CRAT: variants seen among roughly 807,000 people sequenced by gnomAD.
CRAT encodes the protein carnitine O-acetyltransferase.
A neutral mutation model predicts 73.7 loss-of-function variants in CRAT; 66 were observed. That is an observed-to-expected ratio of 0.90 (90% CI 0.73 to 1.10). CRAT has a LOEUF of 1.10. CRAT is among the 50% of genes least tolerant of loss of function. The probability of loss-of-function intolerance (pLI) is 0.00; values close to 1 mark genes in which losing one functional copy is unlikely to be tolerated. For synonymous variants in CRAT, 321 were observed against 343.2 expected (o/e 0.94, Z 0.71); for missense variants, 745 against 846.9 (o/e 0.88, Z 1.49).
chr9:129,098,152 G>A lies in CRAT; in HGVS notation c.1329-4C>T, dbSNP rs1213151451. The A allele has an allele frequency of 6.2e-7, 1 of 1,613,768 alleles. No homozygotes were observed. On this transcript the variant is annotated splice_polypyrimidine_tract_variant and splice_region_variant and intron_variant, in intron 10 of 13. Coordinates refer to ENST00000318080, the MANE Select transcript of CRAT (RefSeq NM_000755.5). Reference sequence around the variant, plus strand: ...GGCACATGCCTGTCCGTAGATCCTGGTGGGAAATGGGGCTAAGCACGCCCC... The same window carrying A: ...GGCACATGCCTGTCCGTAGATCCTGATGGGAAATGGGGCTAAGCACGCCCC...
At chr9:129,097,928 G>A in intron 11 of CRAT, 85 bp downstream of exon 11, 3 of 1,539,514 alleles carry the variant, frequency 1.9e-6, no homozygotes, top group Non-Finnish European at 2.6e-6. Context: ...GAATCCTGTA[G>A]GTGCTCAATT....
chr9:129,100,835 C>T, intron 6 of CRAT, 146 bp from the exon 7 acceptor site: 1 of 971,004 alleles, frequency 1.0e-6, no homozygotes, highest in Non-Finnish European at 1.5e-6. Context: ...CTCGCCGGCC[C>T]TCCAGGGCAT....
chr9:129,101,409 AGAGC>A (rs1394751633), intron 6 of CRAT, among the ~76,000 whole-genome samples: 1 of 152,244 alleles, frequency 6.6e-6, no homozygotes, highest in Non-Finnish European at 1.5e-5. Flanking sequence ...TCCCATGCTC[AGAGC>A]GAGACCCGCT....
chr9:129,096,168 G>A (rs1307822686), intron 12 of CRAT, 33 bp from the exon 13 acceptor site: 7 of 1,609,818 alleles, frequency 4.3e-6, no homozygotes, highest in African/African-American at 1.3e-5. Flanking sequence ...AGGAGCAGGG[G>A]CTGTGGACCC....
In CRAT at chr9:129,098,428, A is replaced by G. The variant is rs1847430503; in HGVS notation, c.1206-57T>C. 8 of 1,605,138 alleles carry G rather than the reference A, an allele frequency of 5.0e-6. 1 individual carries two copies. The Admixed American group carries it at 8.4e-5, about 17-fold the overall frequency. On this transcript the variant is annotated intron_variant, in intron 9 of 13. Transcript: ENST00000318080. ...GGCCCCGGCAGCCCCTGCCAACCCC[A>G]CGGAGGGTCTGGGTGTCATGACAGA...
At chr9:129,108,357 G>A (rs1423150328) in intron 1 of CRAT, 1 of 1,241,366 alleles carries the variant, frequency 8.1e-7, no homozygotes, top group East Asian at 3.6e-5. Context: ...GGGTGGCAGA[G>A]GTGAGGGGGA....
rs1353804194 is a variant in CRAT, at chr9:129,095,366, T to C, written c.*31A>G. 1 of 1,602,756 alleles carries C rather than the reference T, an allele frequency of 6.2e-7. No homozygotes were observed. The highest frequency in any genetic ancestry group is 8.5e-7 in the Non-Finnish European group (1 of 1,177,668). ...TGGCCCATCCCAGGGTGGGCTTGGC[T>C]GTGGCATTGGCAGGCCTGAGTCCTA... On this transcript the variant is annotated 3_prime_UTR_variant, in exon 14 of 14. Transcript: ENST00000318080.
At position 129,103,609 on chromosome 9, in the gene CRAT, C is replaced by T. The variant is rs1449408501; in HGVS notation, c.411-543G>A. ...GGCAACCACCCTCAATGCTTGGGGC[C>T]GCCCCTGGATCCCACCATGGGGACC... is the stretch of plus-strand genomic sequence containing the variant. On this transcript the variant is annotated intron_variant, in intron 3 of 13. Coordinates refer to ENST00000318080, the MANE Select transcript of CRAT (RefSeq NM_000755.5). This position sits in a 1 kb window ranked among gnomAD's most constrained non-coding sequence, Gnocchi z 4.6. 2.6e-5 allele frequency among the ~76,000 whole-genome samples: 4 copies of T among 152,148 alleles called. No individual in the cohort carries two copies. Among genetic ancestry groups the T allele is most frequent in the African/African-American group, 4.8e-5 (2 of 41,444 alleles).
rs1190518406 is a variant in CRAT at position 129,095,479 on chromosome 9, G to C, written c.1799C>G (p.Ala600Gly). The C allele has an allele frequency of 1.9e-6, 3 of 1,613,482 alleles. No homozygotes were observed. ...CTCCAGGTAATGCGCCAGGCGGGCG[G>C]CGTTGGTCTCCGCGCAGCTGTTGTA... ...SAYNSCAETN[A>G]ARLAHYLEKA... Residue 600 changes from alanine (A) to glycine (G), a missense_variant, in exon 14 of 14, where the codon GCC (alanine) becomes GGC (glycine). Ala to Gly is a moderately conservative substitution (Grantham distance 60). Transcript: ENST00000318080.
Position 129,098,302 on chromosome 9 carries a change from C to T in CRAT, c.1275G>A (p.Glu425=). 2 of 1,614,042 alleles carry T rather than the reference C, an allele frequency of 1.2e-6. No individual in the cohort carries two copies. Among genetic ancestry groups the T allele is most frequent in the Non-Finnish European group, 1.7e-6 (2 of 1,180,038 alleles). Residue 425 remains glutamate, a synonymous_variant, in exon 10 of 14, where the codon GAG becomes GAA. Transcript: ENST00000318080. The part of the protein sequence containing the change: ...HHFGKDFPKS[E]KLSPDAFIQM... ...GGATGAAGGCATCTGGGCTTAGCTT[C>T]TCCGACTTGGGGAAGTCTTTTCCAA...
Position 129,095,085 on chromosome 9 carries a change from T to C in CRAT, c.*312A>G, listed in dbSNP as rs1408449417. ...AGACAAAGAGCTCTTGCCAGTCTCC[T>C]GCTCTGGAGGGCTGGTTCCCTTCCC... On this transcript the variant is annotated 3_prime_UTR_variant, in exon 14 of 14. Transcript: ENST00000318080. 2 of 428,476 alleles carry C rather than the reference T, an allele frequency of 4.7e-6. No individual in the cohort carries two copies. The highest frequency in any genetic ancestry group is 8.6e-6 in the Non-Finnish European group (2 of 233,306). The allele number at this position is 428,476 out of a possible 1,614,324, so 26.5% of individuals were successfully genotyped here. A position where few individuals can be genotyped will look rare whatever the true frequency, so the allele number is the denominator to read the frequency against.
At chr9:129,104,889 C>A (rs17486192) in intron 2 of CRAT, among the ~76,000 whole-genome samples, 15 of 145,348 alleles carry the variant, frequency 1.0e-4, no homozygotes, top group African/African-American at 3.5e-4. Context: ...CAGGCATGAG[C>A]CACTGTGCCC....
rs1440661399 is a variant in CRAT, at chr9:129,106,479, G to T, written c.291+1335C>A. On this transcript the variant is annotated intron_variant, in intron 2 of 13. Transcript: ENST00000318080. The surrounding 1 kb of genome is among the most constrained non-coding windows in gnomAD (Gnocchi z 4.0). ...TACTCCCCCAGCGAGAATCTGCCAG[G>T]TGGTGGCGGAGACCCTTCGGTGGCC... is the stretch of plus-strand genomic sequence containing the variant. Among the ~76,000 whole-genome samples the T allele has an allele frequency of 6.6e-6, 1 of 152,182 alleles. No homozygotes were observed. Among genetic ancestry groups the T allele is most frequent in the Non-Finnish European group, 1.5e-5 (1 of 68,030 alleles).
chr9:129,104,759 C>T lies in CRAT; in HGVS notation c.292-453G>A, dbSNP rs558797335. Among the ~76,000 whole-genome samples the T allele has an allele frequency of 1.4e-4, 20 of 139,366 alleles. No homozygotes were observed. In the East Asian group the frequency reaches 3.7e-3, roughly 26 times the overall value. The allele number at this position is 139,366 out of a possible 152,430, so 91.4% of individuals were successfully genotyped here. On this transcript the variant is annotated intron_variant, in intron 2 of 13. Transcript: ENST00000318080. The stretch of plus-strand genomic sequence containing the variant: ...AAGTGGGACTACAGGCGCCAGCCAC[C>T]ACACCTGGCTATTTTTTTGTATTTT...
At chr9:129,099,659 C>CTTT (rs1344943416) in intron 8 of CRAT, among the ~76,000 whole-genome samples, 1 of 151,676 alleles carries the variant, frequency 6.6e-6, no homozygotes, top group Non-Finnish European at 1.5e-5. Context: ...TGATCTCAAA[C>CTTT]TCCTGACCTC....
At chr9:129,096,279 T>A in intron 12 of CRAT, 144 bp from the exon 13 acceptor site, 1 of 1,075,262 alleles carries the variant, frequency 9.3e-7, no homozygotes, top group Non-Finnish European at 1.3e-6. Context: ...AGAGAGAGCC[T>A]TCGTTTCACA....
rs1360711060 is a variant in CRAT, at chr9:129,101,869, C to T, written c.805+14G>A. On this transcript the variant is annotated intron_variant, in intron 6 of 13. Coordinates refer to ENST00000318080, the MANE Select transcript of CRAT (RefSeq NM_000755.5). ...GCCTGGGTGTGCAGCCCCAGCACGG[C>T]CCCCAAGAGGCACCTTTGATGAGGG... is the stretch of plus-strand genomic sequence containing the variant. 5 of 1,611,846 alleles carry T rather than the reference C, an allele frequency of 3.1e-6. No homozygotes were observed. In the Admixed American group the frequency reaches 8.3e-5, roughly 27 times the overall value.
At position 129,107,036 on chromosome 9, in the gene CRAT, A is replaced by AC. The variant is rs1358555691; in HGVS notation, c.291+777dup. 8.1e-5 allele frequency among the ~76,000 whole-genome samples: 12 copies of AC among 147,400 alleles called. No homozygotes were observed. Among genetic ancestry groups the AC allele is most frequent in the Non-Finnish European group, 1.5e-4 (10 of 67,046 alleles). On this transcript the variant is annotated intron_variant, in intron 2 of 13. Transcript: ENST00000318080. This position sits in a 1 kb window ranked among gnomAD's most constrained non-coding sequence, Gnocchi z 5.0. ...CTGCCTCCCTCCCAGCAGCTGGGTC[A>AC]CCTTTTTTTTTTCCCAAGACAGAGT...
rs1848043375 is a variant in CRAT at position 129,106,779 on chromosome 9, T to C, written c.291+1035A>G. Among the ~76,000 whole-genome samples the C allele has an allele frequency of 6.6e-6, 1 of 151,940 alleles. No homozygotes were observed. Among genetic ancestry groups the C allele is most frequent in the South Asian group, 2.1e-4 (1 of 4,814 alleles). On this transcript the variant is annotated intron_variant, in intron 2 of 13. Transcript: ENST00000318080. The surrounding 1 kb of genome is among the most constrained non-coding windows in gnomAD (Gnocchi z 4.0). ...CCATGGCACCCCCTATAACACAGCA[T>C]TTCCCAGGGCCGGACCCGCTCTGGC...
Sources: allele counts gnomAD v4.1 joint callset (sites outside exome capture counted in the v4.1 genomes callset), GRCh38; gene constraint gnomAD v4.1.1; non-coding constraint Gnocchi (gnomAD v3.1); transcripts MANE v1.5; gene names NCBI Gene and HGNC (gene_info 2026-07-23, HGNC 2026-07-21).